Variants in COG5 observed in about 807,000 individuals in gnomAD.
COG5 encodes the protein component of oligomeric golgi complex 5, also known as conserved oligomeric Golgi complex subunit 5.
In COG5, 86 loss-of-function variants were observed where a neutral mutation model predicts 110.4. That is an observed-to-expected ratio of 0.78 (90% CI 0.65 to 0.93). The LOEUF (loss-of-function observed/expected upper bound fraction) is 0.93, where lower values mean the gene tolerates loss of function less well. Ranked by LOEUF, COG5 falls within the 40% of genes least tolerant of loss-of-function variation. The probability of loss-of-function intolerance (pLI) is 0.00; values close to 1 mark genes in which losing one functional copy is unlikely to be tolerated. For synonymous variants in COG5, 360 were observed against 334.6 expected, an observed-to-expected ratio of 1.08 and a Z score of -0.83; for missense variants, 1,077 against 987.0, an observed-to-expected ratio of 1.09 and a Z score of -1.22.
intron 20 of COG5, 147 bp from the exon 21 acceptor site, chr7:107,210,752 C>A (rs1446902070): frequency 1.1e-6 from 1 of 914,642 alleles, no homozygotes; most frequent in Non-Finnish European, 1.7e-6. Flanking sequence ...GGGCATAGGC[C>A]TTGGTGCACC....
At chr7:107,431,751 A>G (rs190598032) in intron 6 of COG5, among the ~76,000 whole-genome samples, 5 of 152,174 alleles carry the variant, frequency 3.3e-5, no homozygotes, top group Admixed American at 2.6e-4. Context: ...CAGGATACTG[A>G]GGCTCAACTT....
At chr7:107,285,107 G>A (rs565853499) in intron 12 of COG5, among the ~76,000 whole-genome samples, 27 of 152,238 alleles carry the variant, frequency 1.8e-4, no homozygotes, top group African/African-American at 6.3e-4. Flanking sequence ...AGAATACTAC[G>A]CACCAGGCAC....
intron 6 of COG5, among the ~76,000 whole-genome samples, chr7:107,461,544 T>C (rs969180429): frequency 3.9e-5 from 6 of 152,196 alleles, no homozygotes; most frequent in African/African-American, 1.4e-4. Flanking sequence ...TCACCATTTC[T>C]ACTCAATATT....
At chr7:107,508,738 A>ACAGCCACCGCTGTTCTG (rs1218227178) in intron 6 of COG5, among the ~76,000 whole-genome samples, 54 of 152,244 alleles carry the variant, frequency 3.5e-4, no homozygotes, top group African/African-American at 1.2e-3. Flanking sequence ...CCACTGTTCT[A>ACAGCCACCGCTGTTCTG]CAGCCACCGC....
intron 5 of COG5, among the ~76,000 whole-genome samples, chr7:107,529,017 A>G (rs762934244): frequency 7.0e-4 from 104 of 149,050 alleles, no homozygotes; most frequent in Non-Finnish European, 1.3e-3. Context: ...AATCTGAAAT[A>G]CTTAAATAAA....
intron 6 of COG5, among the ~76,000 whole-genome samples, chr7:107,463,862 C>T (rs1192890239): frequency 2.0e-5 from 3 of 152,118 alleles, no homozygotes; most frequent in African/African-American, 7.2e-5. Context: ...AGTGCTTGGG[C>T]CTAGGGGTCT....
intron 6 of COG5, among the ~76,000 whole-genome samples, chr7:107,442,270 T>C (rs1441429366): frequency 6.6e-6 from 1 of 152,140 alleles, no homozygotes; most frequent in Admixed American, 6.5e-5. Flanking sequence ...GCTTCCCCTT[T>C]GCCTTCCACC....
rs534084773 is a variant in COG5 at position 107,419,421 on chromosome 7, T to C, written c.539-6789A>G. On this transcript the variant is annotated intron_variant, in intron 6 of 21. Coordinates refer to ENST00000297135, the MANE Select transcript of COG5 (RefSeq NM_006348.5). ...AATTTCTTAACCTTTAAAGAATGAA[T>C]GAATTACAAAAAATATTTTACCACC... 4.6e-5 allele frequency among the ~76,000 whole-genome samples: 7 copies of C among 152,030 alleles called. No homozygotes were observed. In the South Asian group the frequency reaches 1.2e-3, roughly 27 times the overall value.
rs560244136 is a variant in COG5 at position 107,419,337 on chromosome 7, A to G, written c.539-6705T>C. ...AAAATTATAAATAAAAGCTCACAATATATAAAACCAATAATTTAAACAAAA... is the reference window on the plus strand; with the variant it reads ...AAAATTATAAATAAAAGCTCACAATGTATAAAACCAATAATTTAAACAAAA... On this transcript the variant is annotated intron_variant, in intron 6 of 21. Transcript: ENST00000297135. Among the ~76,000 whole-genome samples the G allele has an allele frequency of 4.6e-5, 7 of 152,186 alleles. No homozygotes were observed. The East Asian group carries it at 1.2e-3, about 25-fold the overall frequency.
chr7:107,208,147 G>A, intron 21 of COG5: 3 of 985,442 alleles, frequency 3.0e-6, no homozygotes, highest in Non-Finnish European at 3.6e-6. Context: ...AGAGCCTGGG[G>A]TGCAGCAGGA....
At chr7:107,294,940 C>T (rs1806518991) in intron 12 of COG5, among the ~76,000 whole-genome samples, 1 of 117,060 alleles carries the variant, frequency 8.5e-6, no homozygotes, top group African/African-American at 3.0e-5. Flanking sequence ...TACACACACA[C>T]ACACACACAC....
chr7:107,506,588 CCACCCAGCT>C (rs1799025910), intron 6 of COG5, among the ~76,000 whole-genome samples: 1 of 152,160 alleles, frequency 6.6e-6, no homozygotes, highest in Non-Finnish European at 1.5e-5. Context: ...ATAGTAAACC[CCACCCAGCT>C]CACCCAGCTC....
chr7:107,522,107 C>T (rs1340453853), intron 6 of COG5, among the ~76,000 whole-genome samples: 1 of 152,082 alleles, frequency 6.6e-6, no homozygotes, highest in Non-Finnish European at 1.5e-5. Context: ...ACAACACACA[C>T]CAGGGACTGT....
intron 7 of COG5, among the ~76,000 whole-genome samples, chr7:107,379,790 A>G (rs1351955503): frequency 6.6e-6 from 1 of 152,172 alleles, no homozygotes; most frequent in Non-Finnish European, 1.5e-5. Flanking sequence ...GCAAGTTCTT[A>G]GAGACCTACA....
chr7:107,556,657 TTC>T (rs1391710431), intron 2 of COG5, among the ~76,000 whole-genome samples: 1 of 152,156 alleles, frequency 6.6e-6, no homozygotes, highest in Non-Finnish European at 1.5e-5. Flanking sequence ...CTACCATTAT[TTC>T]TGTCTGTGTC....
At chr7:107,271,709 C>G (rs1176156660) in intron 14 of COG5, among the ~76,000 whole-genome samples, 2 of 151,956 alleles carry the variant, frequency 1.3e-5, no homozygotes, top group Admixed American at 1.3e-4. Context: ...TAATCATGTT[C>G]ATTGGTTTTT....
intron 10 of COG5, among the ~76,000 whole-genome samples, chr7:107,330,823 C>CTTTTT (rs376987809): frequency 7.4e-6 from 1 of 135,618 alleles, no homozygotes; most frequent in African/African-American, 2.7e-5. Flanking sequence ...AGCTAGATCC[C>CTTTTT]TTTTTTTTTT....
intron 6 of COG5, among the ~76,000 whole-genome samples, chr7:107,479,598 A>G (rs1797195668): frequency 6.6e-6 from 1 of 152,164 alleles, no homozygotes; most frequent in South Asian, 2.1e-4. Flanking sequence ...AGAATTAAAA[A>G]TGATGACCAT....
chr7:107,436,609 T>C (rs1479063097), intron 6 of COG5, among the ~76,000 whole-genome samples: 2 of 152,244 alleles, frequency 1.3e-5, no homozygotes, highest in African/African-American at 4.8e-5. Flanking sequence ...CAAATTTTGT[T>C]ATGCATATTT....
Sources: gnomAD v4.1 joint callset for allele counts (sites outside exome capture counted in the v4.1 genomes callset) on GRCh38, gnomAD v4.1.1 for gene constraint, MANE v1.5 for transcripts, NCBI Gene and HGNC (gene_info 2026-07-23, HGNC 2026-07-21) for gene names.